CCDC112: variants seen among roughly 807,000 people sequenced by gnomAD.
CCDC112 encodes coiled-coil domain-containing protein 112.
A neutral mutation model predicts 66.3 loss-of-function variants in CCDC112; 40 were observed. The ratio of observed to expected loss-of-function variants is 0.60; its 90% CI spans 0.47 to 0.79. The LOEUF is 0.79. CCDC112 is among the 30% of genes least tolerant of loss of function. The probability of loss-of-function intolerance (pLI) is 0.00; values close to 1 mark genes in which losing one functional copy is unlikely to be tolerated. For synonymous variants in CCDC112, 214 were observed against 197.2 expected (o/e 1.09, Z -0.71); for missense variants, 659 against 603.8 (o/e 1.09, Z -0.96).
rs182427886 is a variant in CCDC112, at chr5:115,272,870, T to C, written c.919-1244A>G. 3.3e-4 allele frequency among the ~76,000 whole-genome samples: 50 copies of C among 152,316 alleles called. 1 individual carries two copies. The highest frequency in any genetic ancestry group is 1.2e-3 in the African/African-American group (50 of 41,570). ...TACAGTGCTACTCAAAATACCAGTC[T>C]GCAAAAATATTGGGAATTTGTGTTA... On this transcript the variant is annotated intron_variant, in intron 6 of 9. Transcript: ENST00000379611.
At chr5:115,276,642 T>C (rs1233704401) in intron 4 of CCDC112, among the ~76,000 whole-genome samples, 2 of 141,500 alleles carry the variant, frequency 1.4e-5, no homozygotes, top group African/African-American at 5.3e-5. Context: ...GCTGTTTTTT[T>C]AAACCTTTCT....
chr5:115,294,765 G>A lies in CCDC112; in HGVS notation c.117+1662C>T, dbSNP rs9326955. On this transcript the variant is annotated intron_variant, in intron 1 of 9. Coordinates refer to ENST00000379611, the MANE Select transcript of CCDC112 (RefSeq NM_001040440.3). ...CGGTGTTAGGCTGTAGAATTTGTGT[G>A]TATAGGTATGTGCGTGTGGTATGCT... Among the ~76,000 whole-genome samples, 756 of 152,314 alleles carry A rather than the reference G, an allele frequency of 5.0e-3. 2 individuals are homozygous for A. Among genetic ancestry groups the A allele is most frequent in the Non-Finnish European group, 8.4e-3 (572 of 68,022 alleles).
chr5:115,272,001 T>C (rs1216776200), intron 6 of CCDC112, among the ~76,000 whole-genome samples: 1 of 150,214 alleles, frequency 6.7e-6, no homozygotes, highest in Non-Finnish European at 1.5e-5. Context: ...CTCAGCTCAC[T>C]GCAACCTCTG....
chr5:115,283,471 C>A (rs991876276), intron 2 of CCDC112, among the ~76,000 whole-genome samples: 2 of 152,100 alleles, frequency 1.3e-5, no homozygotes, highest in African/African-American at 4.8e-5. Flanking sequence ...ATATTCTCAA[C>A]CCTTCACGCA....
At chr5:115,284,406 A>T (rs1182796301) in intron 2 of CCDC112, among the ~76,000 whole-genome samples, 1 of 152,206 alleles carries the variant, frequency 6.6e-6, no homozygotes, top group Non-Finnish European at 1.5e-5. Flanking sequence ...AAACACTTTC[A>T]TATACACATA....
chr5:115,267,972 A>G, intron 9 of CCDC112, 54 bp from the exon 10 acceptor site: 1 of 1,397,292 alleles, frequency 7.2e-7, no homozygotes, highest in Non-Finnish European at 1.0e-6. Flanking sequence ...TAAAAAGAAA[A>G]AAACCCTATC....
rs111372762 is a variant in CCDC112, at chr5:115,267,680, T to C, written c.*196A>G. On this transcript the variant is annotated 3_prime_UTR_variant, in exon 10 of 10. Coordinates refer to ENST00000379611, the MANE Select transcript of CCDC112 (RefSeq NM_001040440.3). ...TACATCAATAATAGGCCAACACATA[T>C]ATTAAATACCTTCTTGGTAGAAGCA... The C allele has an allele frequency of 1.2e-5, 7 of 587,460 alleles. No homozygotes were observed. In the South Asian group the frequency reaches 1.3e-4, roughly 11 times the overall value. The allele number at this position is 587,460 out of a possible 1,614,324, so 36.4% of individuals were successfully genotyped here.
chr5:115,294,639 C>T (rs1750072515), intron 1 of CCDC112, among the ~76,000 whole-genome samples: 1 of 152,202 alleles, frequency 6.6e-6, no homozygotes, highest in African/African-American at 2.4e-5. Context: ...ATGAGATTGC[C>T]ACCAGGAAAA....
intron 1 of CCDC112, among the ~76,000 whole-genome samples, chr5:115,292,148 C>A (rs532055490): frequency 6.6e-6 from 1 of 152,062 alleles, no homozygotes; most frequent in Non-Finnish European, 1.5e-5. Flanking sequence ...GTATGCCTAA[C>A]GGTATCTCAC....
chr5:115,271,620 G>T lies in CCDC112; in HGVS notation c.925C>A (p.Gln309Lys). 6.7e-7 allele frequency: 1 copy of T among 1,500,702 alleles called. No homozygotes were observed. Among genetic ancestry groups the T allele is most frequent in the Non-Finnish European group, 8.8e-7 (1 of 1,130,724 alleles). 93.0% of individuals were successfully genotyped at this position (1,500,702 alleles called of 1,614,324 possible). Residue 309 changes from glutamine to lysine, a missense_variant, in exon 7 of 10, where the codon CAG (glutamine) becomes AAG (lysine). Physicochemically the swap from Gln to Lys is moderately conservative, Grantham distance 53 (BLOSUM62 1). Transcript: ENST00000379611. The part of the protein sequence containing the change: ...ALEERKKESI[Q>K]IWKTKKQQKR... ...TGCTGCTTTTTAGTTTTCCAAATCT[G>T]AATTGACTAAATGATTTTTTTAAAA...
intron 1 of CCDC112, among the ~76,000 whole-genome samples, chr5:115,288,178 G>A (rs751795415): frequency 1.1e-4 from 16 of 152,050 alleles, no homozygotes; most frequent in Non-Finnish European, 2.4e-4. Context: ...ACAGGGTTTT[G>A]CCATGCTGGC....
At chr5:115,294,416 T>C (rs557007070) in intron 1 of CCDC112, among the ~76,000 whole-genome samples, 1 of 152,316 alleles carries the variant, frequency 6.6e-6, no homozygotes, top group Non-Finnish European at 1.5e-5. Context: ...GAAAAGACTA[T>C]GTGAGGACAC....
chr5:115,280,406 T>A (rs934364971), intron 2 of CCDC112: 1 of 152,222 alleles, frequency 6.6e-6, no homozygotes, highest in African/African-American at 2.4e-5. Context: ...TACATTTACT[T>A]CAGGCTTCTT....
intron 1 of CCDC112, among the ~76,000 whole-genome samples, chr5:115,290,666 T>G: frequency 6.6e-6 from 1 of 152,192 alleles, no homozygotes; most frequent in East Asian, 1.9e-4. Context: ...TTGAATAATT[T>G]TTATAGGTTT....
At chr5:115,272,906 C>G (rs1459276544) in intron 6 of CCDC112, among the ~76,000 whole-genome samples, 1 of 152,076 alleles carries the variant, frequency 6.6e-6, no homozygotes, top group Non-Finnish European at 1.5e-5. Context: ...AAACGCAAAT[C>G]AATGCACTGC....
In CCDC112 at chr5:115,296,499, C is replaced by G; in HGVS notation, c.45G>C (p.Ala15=). Residue 15 remains alanine (A), a synonymous_variant, in exon 1 of 10, where the codon GCG becomes GCC. Transcript: ENST00000379611. Reference sequence around the variant, plus strand: ...CCGCCCCTGCCACAGCCCCGGCTACCGCGGTGGCCGCAGCCGCTACCACAA... The same window carrying G: ...CCGCCCCTGCCACAGCCCCGGCTACGGCGGTGGCCGCAGCCGCTACCACAA... ...TTVVVAAAAT[A]VAGAVAGAGA... is the part of the protein sequence containing the mutation. 2 of 1,552,220 alleles carry G rather than the reference C, an allele frequency of 1.3e-6. No homozygotes were observed. The highest frequency in any genetic ancestry group is 1.7e-6 in the Non-Finnish European group (2 of 1,155,612).
intron 3 of CCDC112, chr5:115,277,323 A>AT (rs1490119109): frequency 4.2e-6 from 1 of 240,372 alleles, no homozygotes; most frequent in Non-Finnish European, 8.0e-6. Context: ...TTCTGTGTAG[A>AT]TTGAGTTATT....
Position 115,296,622 on chromosome 5 carries a change from G to C in CCDC112, c.-79C>G. 1 of 1,345,598 alleles carries C rather than the reference G, an allele frequency of 7.4e-7. No individual in the cohort carries two copies. Among genetic ancestry groups the C allele is most frequent in the South Asian group, 1.7e-5 (1 of 58,324 alleles). 83.4% of individuals were successfully genotyped at this position (1,345,598 alleles called of 1,614,324 possible). A position where few individuals can be genotyped will look rare whatever the true frequency, so the allele number is the denominator to read the frequency against. On this transcript the variant is annotated 5_prime_UTR_variant, in exon 1 of 10. Coordinates refer to ENST00000379611, the MANE Select transcript of CCDC112 (RefSeq NM_001040440.3). The stretch of plus-strand genomic sequence containing the variant: ...TGGCAGGCGCACCCTGGCCTCTGCA[G>C]ACAGCTCCCTGCGCTGCGGGCTTGG...
In CCDC112 at chr5:115,296,470, G is replaced by C; in HGVS notation, c.74C>G (p.Ala25Gly). 1 of 1,550,162 alleles carries C rather than the reference G, an allele frequency of 6.5e-7. No homozygotes were observed. Among genetic ancestry groups the C allele is most frequent in the South Asian group, 1.2e-5 (1 of 85,830 alleles). Reference sequence around the variant, plus strand: ...CGCTCCCACGCCGGTCCCGGTGGCCGCGCCCGCCCCTGCCACAGCCCCGGC... The same window carrying C: ...CGCTCCCACGCCGGTCCCGGTGGCCCCGCCCGCCCCTGCCACAGCCCCGGC... ...AVAGAVAGAG[A>G]ATGTGVGATP... The change falls in exon 1 of 10, where the codon GCG becomes GGG. Residue 25 changes from alanine to glycine, a missense_variant. Coordinates refer to ENST00000379611, the MANE Select transcript of CCDC112 (RefSeq NM_001040440.3).
Sources: allele counts gnomAD v4.1 joint callset (sites outside exome capture counted in the v4.1 genomes callset), GRCh38; gene constraint gnomAD v4.1.1; transcripts MANE v1.5; gene names NCBI Gene and HGNC (gene_info 2026-07-23, HGNC 2026-07-21).